CIB2: variants seen among roughly 807,000 people sequenced by gnomAD.
CIB2 encodes the protein calcium and integrin-binding family member 2.
CIB2 carries 19 observed loss-of-function variants against 23.1 expected under a neutral mutation model. That is an observed-to-expected ratio of 0.82 (90% CI 0.57 to 1.21). The LOEUF is 1.21. CIB2 is among the 50% of genes most tolerant of loss of function. The pLI, the probability that CIB2 is intolerant of heterozygous loss-of-function variation, is 0.00. For missense variants in CIB2, 220 were observed against 241.5 expected, an observed-to-expected ratio of 0.91 and a Z score of 0.59; for synonymous variants, 94 against 91.7, an observed-to-expected ratio of 1.03 and a Z score of -0.14.
chr15:78,123,630 G>A (rs1419811246), intron 2 of CIB2, 75 bp downstream of exon 2: 2 of 1,489,890 alleles, frequency 1.3e-6, no homozygotes, highest in African/African-American at 2.8e-5. Flanking sequence ...AGCACAGCCA[G>A]CCCATGTGGG....
intron 5 of CIB2, 153 bp from the exon 6 acceptor site, chr15:78,105,485 G>C: frequency 6.6e-7 from 1 of 1,516,112 alleles, no homozygotes; most frequent in East Asian, 2.5e-5. Flanking sequence ...AACACTGGGG[G>C]AAGACGGAGG....
chr15:78,115,779 G>A (rs965936713), intron 2 of CIB2, among the ~76,000 whole-genome samples: 4 of 144,196 alleles, frequency 2.8e-5, no homozygotes, highest in Admixed American at 2.2e-4. Flanking sequence ...CTGGGTTCAA[G>A]CAATTTTCCT....
At chr15:78,109,201 G>GGGGGGGGGGGC in intron 4 of CIB2, 34 bp downstream of exon 4, 1 of 1,156,402 alleles carries the variant, frequency 8.6e-7, no homozygotes, top group Non-Finnish European at 1.2e-6. Flanking sequence ...TTCCCCCACC[G>GGGGGGGGGGGC]CATATTCAGG....
intron 2 of CIB2, chr15:78,120,597 G>A: frequency 1.0e-6 from 1 of 985,364 alleles, no homozygotes; most frequent in Non-Finnish European, 1.2e-6. Flanking sequence ...TGAATAGGGT[G>A]GGCTGCCCAC....
rs2074447864 is a variant in CIB2, at chr15:78,131,083, G to A, written c.51+82C>T. On this transcript the variant is annotated intron_variant, in intron 1 of 5. Transcript: ENST00000258930. This position sits in a 1 kb window ranked among gnomAD's most constrained non-coding sequence, Gnocchi z 5.8. The stretch of plus-strand genomic sequence containing the variant: ...TGAACCTGGGAGAGCTGGCTCTCGG[G>A]AGGCCTCGGCCAGCGACCGAGAAAA... The A allele has an allele frequency of 2.3e-6, 3 of 1,281,500 alleles. No homozygotes were observed. The highest frequency in any genetic ancestry group is 1.3e-5 in the South Asian group (1 of 75,770). 79.4% of individuals were successfully genotyped at this position (1,281,500 alleles called of 1,614,324 possible).
chr15:78,108,201 C>CAA (rs5813898), intron 4 of CIB2, among the ~76,000 whole-genome samples: 1 of 105,466 alleles, frequency 9.5e-6, no homozygotes, highest in South Asian at 3.2e-4. Context: ...GACTCTGTCT[C>CAA]AAAAAAAAAA....
chr15:78,131,053 G>T lies in CIB2; in HGVS notation c.51+112C>A. The stretch of plus-strand genomic sequence containing the variant: ...ACGCGTCGAGCTGAAGGCAGAGGCA[G>T]GGTTTGAACCTGGGAGAGCTGGCTC... On this transcript the variant is annotated intron_variant, in intron 1 of 5. Coordinates refer to ENST00000258930, the MANE Select transcript of CIB2 (RefSeq NM_006383.4). The surrounding 1 kb of genome is among the most constrained non-coding windows in gnomAD (Gnocchi z 5.8). 1 of 890,198 alleles carries T rather than the reference G, an allele frequency of 1.1e-6. No homozygotes were observed. The highest frequency in any genetic ancestry group is 1.6e-6 in the Non-Finnish European group (1 of 612,976). 55.1% of individuals were successfully genotyped at this position (890,198 alleles called of 1,614,324 possible).
At position 78,109,274 on chromosome 15, in the gene CIB2, G is replaced by A. The variant is rs1567050017; in HGVS notation, c.307C>T (p.Pro103Ser). 2 of 1,613,488 alleles carry A rather than the reference G, an allele frequency of 1.2e-6. No individual in the cohort carries two copies. The highest frequency in any genetic ancestry group is 1.7e-5 in the Admixed American group (1 of 59,970). The change falls in exon 4 of 6, where the codon CCC (proline) becomes TCC (serine). Residue 103 changes from proline to serine, a missense_variant. Transcript: ENST00000258930. Reference protein sequence around the residue: ...DMFSVLCESAPRELKANYAFK... With the variant: ...DMFSVLCESASRELKANYAFK... ...GCATAGTTTGCCTTGAGCTCTCGGG[G>A]AGCCGACTCGCAGAGCACGGAAAAC...
intron 1 of CIB2, among the ~76,000 whole-genome samples, chr15:78,124,843 G>A (rs139147279): frequency 6.6e-6 from 1 of 152,164 alleles, no homozygotes. Context: ...ACCTGAAGCC[G>A]CTGGACATCA....
chr15:78,130,824 G>T (rs886245968), intron 1 of CIB2, among the ~76,000 whole-genome samples: 2 of 152,174 alleles, frequency 1.3e-5, no homozygotes, highest in Admixed American at 1.3e-4. Flanking sequence ...GGGGAGGGCG[G>T]TCCTCCGTCC....
chr15:78,111,240 G>T lies in CIB2; in HGVS notation c.123C>A (p.Leu41=). ...GGCTCTTCCTGTAGTCCATTGGGAC[G>T]AGGTTGGGGGCCAGCTCATAGAATC... ...HSRFYELAPN[L]VPMDYRKSPI... is the part of the protein sequence containing the mutation. The change falls in exon 3 of 6, where the codon CTC becomes CTA. Residue 41 remains leucine, a synonymous_variant. Transcript: ENST00000258930. 1 of 1,614,180 alleles carries T rather than the reference G, an allele frequency of 6.2e-7. No homozygotes were observed. The highest frequency in any genetic ancestry group is 8.5e-7 in the Non-Finnish European group (1 of 1,180,026).
At chr15:78,126,147 C>T (rs1276867871) in intron 1 of CIB2, among the ~76,000 whole-genome samples, 28 of 145,206 alleles carry the variant, frequency 1.9e-4, no homozygotes, top group East Asian at 8.0e-4. Flanking sequence ...CCTGCCCCCC[C>T]CCCTTTTTTT....
intron 2 of CIB2, among the ~76,000 whole-genome samples, chr15:78,117,246 C>CAAAA (rs60332437): frequency 5.4e-5 from 3 of 55,480 alleles, no homozygotes; most frequent in African/African-American, 8.9e-5. Flanking sequence ...AAGCTACTGG[C>CAAAA]AAAAAAAAAA....
At chr15:78,123,657 C>T in intron 2 of CIB2, 48 bp downstream of exon 2, 1 of 1,610,422 alleles carries the variant, frequency 6.2e-7, no homozygotes, top group Non-Finnish European at 8.5e-7. Context: ...CAGCCTCACC[C>T]CGGCCCCAGT....
Position 78,111,141 on chromosome 15 carries a change from G to A in CIB2, c.198+24C>T, listed in dbSNP as rs142130860. The A allele has an allele frequency of 4.6e-3, 7,419 of 1,601,952 alleles. 30 individuals are homozygous for A. The highest frequency in any genetic ancestry group is 9.8e-3 in the Middle Eastern group (59 of 6,044). ...GTCCAGAGGCACAGATCCCCTGCTC[G>A]CCAGCAAGAGGTCCTGCACATACCC... is the stretch of plus-strand genomic sequence containing the variant. On this transcript the variant is annotated intron_variant, in intron 3 of 5. Transcript: ENST00000258930.
chr15:78,122,832 G>A (rs1596360709), intron 2 of CIB2, among the ~76,000 whole-genome samples: 2 of 152,224 alleles, frequency 1.3e-5, no homozygotes, highest in South Asian at 4.1e-4. Context: ...GAGGAAAGCC[G>A]AGAGGCACTG....
Position 78,105,804 on chromosome 15 carries a change from G to A in CIB2, c.477C>T (p.Asp159=), listed in dbSNP as rs10456. The A allele has an allele frequency of 0.23, 368,236 of 1,614,016 alleles. 44,678 individuals carry two copies. The highest frequency in any genetic ancestry group is 0.25 in the Non-Finnish European group (293,427 of 1,179,950). ...CAGCAAAGCCCAGCTTGCCGTCACCGTCCAAGTCAGCCTCCTCAATGACCT... is the reference window on the plus strand; with the variant it reads ...CAGCAAAGCCCAGCTTGCCGTCACCATCCAAGTCAGCCTCCTCAATGACCT... ...CDKVIEEADL[D]GDGKLGFADF... Residue 159 remains aspartate, a synonymous_variant, in exon 5 of 6, where the codon GAC becomes GAT. Coordinates refer to ENST00000258930, the MANE Select transcript of CIB2 (RefSeq NM_006383.4).
chr15:78,106,137 A>G (rs1364290732), intron 4 of CIB2, among the ~76,000 whole-genome samples: 1 of 152,142 alleles, frequency 6.6e-6, no homozygotes, highest in Non-Finnish European at 1.5e-5. Flanking sequence ...ACCCACATCC[A>G]CCACCAACAA....
intron 4 of CIB2, among the ~76,000 whole-genome samples, chr15:78,106,867 T>C (rs2074078737): frequency 6.6e-6 from 1 of 152,146 alleles, no homozygotes; most frequent in African/African-American, 2.4e-5. Context: ...TTATATGCTC[T>C]TTCTCATTTA....
Sources: gnomAD v4.1 joint callset for allele counts (sites outside exome capture counted in the v4.1 genomes callset) on GRCh38, gnomAD v4.1.1 for gene constraint, Gnocchi (gnomAD v3.1) non-coding constraint, MANE v1.5 for transcripts, NCBI Gene and HGNC (gene_info 2026-07-23, HGNC 2026-07-21) for gene names.